Variants in COX7B2 observed in about 807,000 individuals in gnomAD.
COX7B2 encodes the protein cytochrome c oxidase subunit 7B2.
For missense variants in COX7B2, 109 were observed against 95.9 expected (o/e 1.14, Z -0.57); for synonymous variants, 37 against 32.1 (o/e 1.15, Z -0.51).
chr4:46,837,274 T>TACACACACAC (rs33927124), intron 2 of COX7B2, among the ~76,000 whole-genome samples: 11 of 133,354 alleles, frequency 8.2e-5, no homozygotes, highest in African/African-American at 1.9e-4. Flanking sequence ...CACAAAGACA[T>TACACACACAC]ACACACACAC....
At chr4:46,777,333 G>C (rs966376459) in intron 2 of COX7B2, among the ~76,000 whole-genome samples, 3 of 152,052 alleles carry the variant, frequency 2.0e-5, no homozygotes, top group African/African-American at 7.2e-5. Flanking sequence ...TTTTATCAAA[G>C]AGCAGATAAG....
chr4:46,869,612 T>G (rs928461146), intron 1 of COX7B2, among the ~76,000 whole-genome samples: 1 of 152,190 alleles, frequency 6.6e-6, no homozygotes, highest in African/African-American at 2.4e-5. Context: ...AGGATCTTAT[T>G]TCTCCTTTGC....
At chr4:46,785,474 G>A (rs191883717) in intron 2 of COX7B2, among the ~76,000 whole-genome samples, 8 of 151,564 alleles carry the variant, frequency 5.3e-5, no homozygotes, top group Admixed American at 6.6e-5. Flanking sequence ...CCTGGGTTAC[G>A]CCATTCTCCT....
At chr4:46,902,362 C>A (rs1034070374) in intron 1 of COX7B2, among the ~76,000 whole-genome samples, 1 of 152,184 alleles carries the variant, frequency 6.6e-6, no homozygotes, top group Non-Finnish European at 1.5e-5. Flanking sequence ...TAAAAGGAAA[C>A]ATCACAAAAA....
intron 2 of COX7B2, among the ~76,000 whole-genome samples, chr4:46,770,675 C>T (rs916415539): frequency 1.3e-5 from 2 of 151,710 alleles, no homozygotes; most frequent in Admixed American, 1.3e-4. Context: ...AAAAAACACA[C>T]GTTTATGGTC....
At chr4:46,748,478 C>T (rs1007918419) in intron 2 of COX7B2, among the ~76,000 whole-genome samples, 1 of 152,132 alleles carries the variant, frequency 6.6e-6, no homozygotes, top group Non-Finnish European at 1.5e-5. Context: ...GGGCTGCCCA[C>T]AGGAAAAGGA....
chr4:46,832,083 A>G (rs1715162445), intron 2 of COX7B2, among the ~76,000 whole-genome samples: 2 of 152,314 alleles, frequency 1.3e-5, no homozygotes, highest in South Asian at 2.1e-4. Flanking sequence ...AGAGAATAAA[A>G]GCAAGCTGCC....
At chr4:46,747,364 T>C (rs12499681) in intron 2 of COX7B2, among the ~76,000 whole-genome samples, 49,572 of 151,702 alleles carry the variant, frequency 0.33, 8,363 homozygotes, top group South Asian at 0.47. Context: ...AGGGCAATGG[T>C]GCAATCTCGG....
chr4:46,864,582 A>G (rs1398049642), intron 1 of COX7B2, among the ~76,000 whole-genome samples: 3 of 152,096 alleles, frequency 2.0e-5, no homozygotes, highest in Non-Finnish European at 4.4e-5. Context: ...TTCTGCAGGC[A>G]CCATCAGCCT....
At chr4:46,763,004 T>C (rs1716282595) in intron 2 of COX7B2, among the ~76,000 whole-genome samples, 1 of 121,942 alleles carries the variant, frequency 8.2e-6, no homozygotes. Flanking sequence ...ATATTAAATA[T>C]ACATAATTAT....
intron 1 of COX7B2, among the ~76,000 whole-genome samples, chr4:46,870,213 A>T (rs1035541995): frequency 4.6e-5 from 7 of 152,134 alleles, no homozygotes; most frequent in Non-Finnish European, 7.4e-5. Flanking sequence ...TTAATCACAT[A>T]AAAAAACTAA....
intron 1 of COX7B2, among the ~76,000 whole-genome samples, chr4:46,905,985 G>A (rs916866737): frequency 5.3e-5 from 8 of 150,168 alleles, no homozygotes; most frequent in Admixed American, 1.3e-4. Context: ...GCCCGCCACC[G>A]CGCCCGGCTA....
intron 2 of COX7B2, among the ~76,000 whole-genome samples, chr4:46,762,441 G>GTA (rs997508973): frequency 1.5e-4 from 20 of 131,408 alleles, no homozygotes; most frequent in Non-Finnish European, 9.4e-5. Context: ...TATATATACT[G>GTA]TATATATATA....
intron 1 of COX7B2, chr4:46,876,892 T>C (rs1718374777): frequency 6.6e-6 from 1 of 152,258 alleles, no homozygotes; most frequent in South Asian, 2.1e-4. Context: ...CTAAAGCTAC[T>C]TGATATTTTT....
At chr4:46,797,603 ACAC>A (rs1161884758) in intron 2 of COX7B2, among the ~76,000 whole-genome samples, 2 of 152,158 alleles carry the variant, frequency 1.3e-5, no homozygotes, top group African/African-American at 4.8e-5. Flanking sequence ...ACCAAAAGCG[ACAC>A]CACTTTCCCG....
intron 1 of COX7B2, among the ~76,000 whole-genome samples, chr4:46,873,950 T>C (rs1399558821): frequency 1.3e-5 from 2 of 152,190 alleles, no homozygotes; most frequent in African/African-American, 4.8e-5. Context: ...ATTTTCTTTG[T>C]TATTTAAGCC....
chr4:46,880,760 G>A (rs1426069768), intron 1 of COX7B2, among the ~76,000 whole-genome samples: 4 of 145,668 alleles, frequency 2.7e-5, no homozygotes, highest in Admixed American at 2.1e-4. Flanking sequence ...ACCAAACACC[G>A]CATATTCTCA....
Position 46,754,731 on chromosome 4 carries a change from T to TATAC in COX7B2, c.-49-19491_-49-19490insGTAT, listed in dbSNP as rs1242501164. Among the ~76,000 whole-genome samples the TATAC allele has an allele frequency of 8.7e-3, 1,070 of 122,586 alleles. 25 individuals carry two copies. The highest frequency in any genetic ancestry group is 0.038 in the Middle Eastern group (10 of 262). The allele number at this position is 122,586 out of a possible 152,430, so 80.4% of individuals were successfully genotyped here. On this transcript the variant is annotated intron_variant, in intron 2 of 2. Transcript: ENST00000355591. ...GTGTGTGTGTGTGTGTGTGTGTGTA[T>TATAC]ATATATATATATATATATGAAAGAA...
At chr4:46,830,052 G>A (rs1440492360) in intron 2 of COX7B2, among the ~76,000 whole-genome samples, 1 of 152,082 alleles carries the variant, frequency 6.6e-6, no homozygotes, top group Non-Finnish European at 1.5e-5. Context: ...GAGGCCGGGC[G>A]CGGTGGCTCA....
Sources: allele counts gnomAD v4.1 joint callset (sites outside exome capture counted in the v4.1 genomes callset), GRCh38; gene constraint gnomAD v4.1.1; transcripts MANE v1.5; gene names NCBI Gene and HGNC (gene_info 2026-07-23, HGNC 2026-07-21).